The following CHST11 variants were observed in gnomAD, a reference collection of about 807,000 sequenced individuals.
CHST11 encodes C4S-1.
Under a neutral mutation model 30.4 loss-of-function variants are expected in CHST11, and 9 were observed. That is an observed-to-expected ratio of 0.30 (90% confidence interval 0.18 to 0.52). The LOEUF (loss-of-function observed/expected upper bound fraction) is 0.52, where lower values mean the gene tolerates loss of function less well. CHST11 is among the 20% of genes least tolerant of loss of function. The probability of loss-of-function intolerance (pLI) is 0.97; values close to 1 mark genes in which losing one functional copy is unlikely to be tolerated. For missense variants in CHST11, 348 were observed against 460.6 expected (o/e 0.76, Z 2.24); for synonymous variants, 152 against 187.8 (o/e 0.81, Z 1.56).
At chr12:104,710,615 G>C (rs1234848308) in intron 2 of CHST11, among the ~76,000 whole-genome samples, 1 of 152,160 alleles carries the variant, frequency 6.6e-6, no homozygotes, top group East Asian at 1.9e-4. Context: ...AGGTCTGGGA[G>C]GGCCAGCTGC....
intron 2 of CHST11, among the ~76,000 whole-genome samples, chr12:104,756,274 G>C (rs1240327883): frequency 6.6e-6 from 1 of 152,198 alleles, no homozygotes; most frequent in East Asian, 1.9e-4. Flanking sequence ...GGCAGAGCAG[G>C]CAGAGTGCCC....
chr12:104,662,174 T>C (rs1044057293), intron 2 of CHST11, among the ~76,000 whole-genome samples: 8 of 152,310 alleles, frequency 5.3e-5, no homozygotes, highest in African/African-American at 7.2e-5. Context: ...ATGTCACACC[T>C]GAAGCAGGTC....
chr12:104,710,067 G>A (rs941573399), intron 2 of CHST11, among the ~76,000 whole-genome samples: 6 of 152,148 alleles, frequency 3.9e-5, no homozygotes, highest in African/African-American at 1.4e-4. Flanking sequence ...CAGGCCTGGT[G>A]GCATGTGACT....
intron 1 of CHST11, among the ~76,000 whole-genome samples, chr12:104,544,137 AAAAAGAAAGAAAGAAAGAAAGAAAG>A (rs2038314246): frequency 5.3e-5 from 2 of 37,660 alleles, no homozygotes; most frequent in African/African-American, 7.6e-5. Flanking sequence ...AAAAAAAAAA[AAAAAGAAAGAAAGAAAGAAAGAAAG>A]AAAGAAAGAA....
intron 1 of CHST11, among the ~76,000 whole-genome samples, chr12:104,558,643 A>G (rs1354546853): frequency 6.7e-6 from 1 of 148,156 alleles, no homozygotes; most frequent in African/African-American, 2.5e-5. Context: ...GGTTCAAGCA[A>G]TTCTCCTGCC....
chr12:104,542,441 A>G (rs1207987711), intron 1 of CHST11, among the ~76,000 whole-genome samples: 1 of 152,248 alleles, frequency 6.6e-6, no homozygotes, highest in Admixed American at 6.5e-5. Context: ...AATGAAAGAA[A>G]ATTTTGACAC....
At chr12:104,688,386 G>A (rs2039868076) in intron 2 of CHST11, among the ~76,000 whole-genome samples, 1 of 152,134 alleles carries the variant, frequency 6.6e-6, no homozygotes, top group African/African-American at 2.4e-5. Context: ...GAGGCAAGGA[G>A]AAGTAACTCA....
intron 2 of CHST11, among the ~76,000 whole-genome samples, chr12:104,609,597 G>A (rs2039038836): frequency 6.6e-6 from 1 of 152,216 alleles, no homozygotes; most frequent in Non-Finnish European, 1.5e-5. Flanking sequence ...GATGCCTGAA[G>A]GAACTGGGGA....
At chr12:104,553,833 A>G (rs954458713) in intron 1 of CHST11, among the ~76,000 whole-genome samples, 2 of 152,154 alleles carry the variant, frequency 1.3e-5, no homozygotes, top group African/African-American at 4.8e-5. Context: ...TTAAAACAAC[A>G]CACGTTTATT....
At chr12:104,693,761 A>G (rs1351415863) in intron 2 of CHST11, among the ~76,000 whole-genome samples, 1 of 152,168 alleles carries the variant, frequency 6.6e-6, no homozygotes, top group African/African-American at 2.4e-5. Context: ...AGTTAGCCAA[A>G]GTGAAGTACA....
chr12:104,689,017 T>C (rs1156985857), intron 2 of CHST11, among the ~76,000 whole-genome samples: 1 of 152,224 alleles, frequency 6.6e-6, no homozygotes, highest in African/African-American at 2.4e-5. Flanking sequence ...TTAATATAAG[T>C]ATTATATGAT....
chr12:104,529,483 G>T (rs1371270799), intron 1 of CHST11, among the ~76,000 whole-genome samples: 1 of 152,160 alleles, frequency 6.6e-6, no homozygotes, highest in Non-Finnish European at 1.5e-5. Context: ...TTGACAGAGA[G>T]GCCCCAAATA....
At position 104,748,356 on chromosome 12, in the gene CHST11, G is replaced by T. The variant is rs146730342; in HGVS notation, c.205-8593G>T. 3.1e-3 allele frequency among the ~76,000 whole-genome samples: 477 copies of T among 152,320 alleles called. 2 individuals are homozygous for T. The highest frequency in any genetic ancestry group is 0.011 in the African/African-American group (446 of 41,562). ...CTCCTGGTGTTATAGGGGTCGAATT[G>T]TGTCCCTCCCAAATTCATACGTTGA... On this transcript the variant is annotated intron_variant, in intron 2 of 2. Transcript: ENST00000303694.
intron 2 of CHST11, among the ~76,000 whole-genome samples, chr12:104,744,522 C>T (rs1015439737): frequency 2.0e-5 from 3 of 152,010 alleles, no homozygotes; most frequent in East Asian, 1.9e-4. Flanking sequence ...ATGCATAGTT[C>T]GTAAAAATTT....
chr12:104,740,946 G>A (rs756390633), intron 2 of CHST11, among the ~76,000 whole-genome samples: 14 of 152,176 alleles, frequency 9.2e-5, no homozygotes, highest in Non-Finnish European at 2.1e-4. Flanking sequence ...AGAATGGGCC[G>A]TCCTTCTTGA....
At chr12:104,563,335 G>A (rs1345852134) in intron 1 of CHST11, among the ~76,000 whole-genome samples, 1 of 152,216 alleles carries the variant, frequency 6.6e-6, no homozygotes, top group Admixed American at 6.5e-5. Context: ...ACTGTGCTCG[G>A]CCATTGTTGA....
chr12:104,519,665 G>A (rs1273745241), intron 1 of CHST11, among the ~76,000 whole-genome samples: 6 of 152,172 alleles, frequency 3.9e-5, no homozygotes, highest in African/African-American at 1.4e-4. Context: ...GGTTATTATG[G>A]CCCTGCTTGA....
chr12:104,627,829 G>C (rs1592802903), intron 2 of CHST11, among the ~76,000 whole-genome samples: 1 of 152,196 alleles, frequency 6.6e-6, no homozygotes, highest in African/African-American at 2.4e-5. Context: ...ATTAGCAGGT[G>C]GTGGGTGTGG....
At chr12:104,493,150 G>C (rs149997394) in intron 1 of CHST11, among the ~76,000 whole-genome samples, 1 of 152,202 alleles carries the variant, frequency 6.6e-6, no homozygotes, top group Non-Finnish European at 1.5e-5. Flanking sequence ...ACCAAAAAAA[G>C]ATCGGAAAGT....
Sources: allele counts gnomAD v4.1 joint callset (sites outside exome capture counted in the v4.1 genomes callset), GRCh38; gene constraint gnomAD v4.1.1; transcripts MANE v1.5; gene names NCBI Gene and HGNC (gene_info 2026-07-23, HGNC 2026-07-21).